The following MALRD1 variants were observed in gnomAD, a reference collection of about 807,000 sequenced individuals.
MALRD1 encodes MAM and LDL receptor class A domain containing 1.
A neutral mutation model predicts 242.1 loss-of-function variants in MALRD1; 247 were observed. The ratio of observed to expected loss-of-function variants is 1.02; its 90% CI spans 0.92 to 1.13. MALRD1 has a LOEUF of 1.13. Among genes scored for constraint, MALRD1 ranks in the 50% most tolerant of loss-of-function variants. The pLI, the probability that MALRD1 is intolerant of heterozygous loss-of-function variation, is 0.00. For synonymous variants in MALRD1, 995 were observed against 866.6 expected (o/e 1.15, Z -2.60); for missense variants, 2,989 against 2,533.1 (o/e 1.18, Z -3.86).
intron 36 of MALRD1, among the ~76,000 whole-genome samples, chr10:19,677,954 G>A (rs79993259): frequency 6.6e-6 from 1 of 152,068 alleles, no homozygotes; most frequent in African/African-American, 2.4e-5. Flanking sequence ...TTTTTTGTCA[G>A]GTTTGTCAAA....
chr10:19,488,239 T>C (rs1415287091), intron 29 of MALRD1, among the ~76,000 whole-genome samples: 1 of 152,356 alleles, frequency 6.6e-6, no homozygotes, highest in Admixed American at 6.5e-5. Flanking sequence ...CCCCTTTAGA[T>C]GAAAACATTG....
chr10:19,539,266 T>C (rs1019627472), intron 32 of MALRD1, among the ~76,000 whole-genome samples: 12 of 152,134 alleles, frequency 7.9e-5, no homozygotes, highest in African/African-American at 2.9e-4. Flanking sequence ...TAGACAAAGC[T>C]TCAGGAATTT....
chr10:19,532,013 G>A (rs1415008595), intron 32 of MALRD1, among the ~76,000 whole-genome samples: 1 of 151,836 alleles, frequency 6.6e-6, no homozygotes, highest in African/African-American at 2.4e-5. Context: ...AATACAATTG[G>A]GATTTTTGTC....
chr10:19,377,029 C>A (rs913398726), intron 26 of MALRD1, among the ~76,000 whole-genome samples: 1 of 152,114 alleles, frequency 6.6e-6, no homozygotes, highest in African/African-American at 2.4e-5. Context: ...CTATGTGGTA[C>A]AATTCTTAGA....
At chr10:19,337,131 CTT>C (rs1354839567) in intron 24 of MALRD1, among the ~76,000 whole-genome samples, 4 of 151,834 alleles carry the variant, frequency 2.6e-5, no homozygotes, top group African/African-American at 9.7e-5. Context: ...TGTAAGTAAA[CTT>C]TCATATACAT....
intron 21 of MALRD1, among the ~76,000 whole-genome samples, chr10:19,316,080 G>A (rs953897191): frequency 4.7e-5 from 7 of 149,114 alleles, no homozygotes; most frequent in Non-Finnish European, 8.9e-5. Context: ...GTAAATTTAC[G>A]TAATTTACTA....
chr10:19,555,155 T>A (rs1344235007), intron 32 of MALRD1, among the ~76,000 whole-genome samples: 2 of 152,048 alleles, frequency 1.3e-5, no homozygotes, highest in Non-Finnish European at 1.5e-5. Flanking sequence ...GATGTTGAGC[T>A]CATGTGGCCA....
intron 28 of MALRD1, among the ~76,000 whole-genome samples, chr10:19,411,383 A>G (rs918224778): frequency 6.6e-6 from 1 of 152,198 alleles, no homozygotes; most frequent in Non-Finnish European, 1.5e-5. Context: ...ATCCAAACAC[A>G]GCCTGGCTCG....
At chr10:19,732,600 C>G (rs372922139) in intron 39 of MALRD1, among the ~76,000 whole-genome samples, 46 of 152,142 alleles carry the variant, frequency 3.0e-4, no homozygotes, top group South Asian at 1.7e-3. Flanking sequence ...CTTAGTTTAA[C>G]TTTTAGTGTC....
In MALRD1 at chr10:19,417,500, T is replaced by A. The variant is rs552590401; in HGVS notation, c.4845+27891T>A. On this transcript the variant is annotated intron_variant, in intron 28 of 39. Coordinates refer to ENST00000454679, the MANE Select transcript of MALRD1 (RefSeq NM_001142308.3). ...ATTTGGTACTTAATACTCATTGAATTCCATTAACATATCAATATGGCAAGA... is the reference window on the plus strand; with the variant it reads ...ATTTGGTACTTAATACTCATTGAATACCATTAACATATCAATATGGCAAGA... Among the ~76,000 whole-genome samples, 3 of 152,280 alleles carry A rather than the reference T, an allele frequency of 2.0e-5. No individual in the cohort carries two copies. The South Asian group carries it at 6.2e-4, about 32-fold the overall frequency.
intron 21 of MALRD1, among the ~76,000 whole-genome samples, chr10:19,305,168 C>A (rs1842111050): frequency 6.6e-6 from 1 of 151,626 alleles, no homozygotes; most frequent in Admixed American, 6.6e-5. Context: ...GTTCAGAAAG[C>A]AAATCGTATC....
intron 2 of MALRD1, among the ~76,000 whole-genome samples, chr10:19,084,547 G>T (rs1440046596): frequency 6.6e-6 from 1 of 151,790 alleles, no homozygotes; most frequent in African/African-American, 2.4e-5. Flanking sequence ...TCACATTCAG[G>T]TCCATTAATC....
Position 19,225,757 on chromosome 10 carries a change from G to C in MALRD1, c.2991+16077G>C, listed in dbSNP as rs1837774420. On this transcript the variant is annotated intron_variant, in intron 18 of 39. Transcript: ENST00000454679. Reference sequence around the variant, plus strand: ...AGAAGCTAGGCAGCAGCCAGGCTCTGCCTTAGGAAAAGACTTTACTTTTTA... The same window carrying C: ...AGAAGCTAGGCAGCAGCCAGGCTCTCCCTTAGGAAAAGACTTTACTTTTTA... Among the ~76,000 whole-genome samples the C allele has an allele frequency of 2.6e-5, 4 of 152,280 alleles. No individual in the cohort carries two copies. In the South Asian group the frequency reaches 8.3e-4, roughly 32 times the overall value.
At position 19,230,074 on chromosome 10, in the gene MALRD1, G is replaced by A. The variant is rs544525150; in HGVS notation, c.2991+20394G>A. 2.7e-3 allele frequency among the ~76,000 whole-genome samples: 412 copies of A among 152,092 alleles called. 1 individual carries two copies. Among genetic ancestry groups the A allele is most frequent in the Non-Finnish European group, 4.9e-3 (332 of 67,982 alleles). ...CGAAACCCCTTTCGCCTTTCACTTGGTTCTCATTTGCTGTTTGCCTGCTGC... is the reference window on the plus strand; with the variant it reads ...CGAAACCCCTTTCGCCTTTCACTTGATTCTCATTTGCTGTTTGCCTGCTGC... On this transcript the variant is annotated intron_variant, in intron 18 of 39. Transcript: ENST00000454679.
chr10:19,542,704 A>G (rs187013439), intron 32 of MALRD1, among the ~76,000 whole-genome samples: 2 of 152,272 alleles, frequency 1.3e-5, no homozygotes, highest in Admixed American at 6.5e-5. Flanking sequence ...ATACAAAGAT[A>G]GGTAGATAAA....
At chr10:19,250,117 A>T (rs1409324457) in intron 18 of MALRD1, among the ~76,000 whole-genome samples, 1 of 152,026 alleles carries the variant, frequency 6.6e-6, no homozygotes, top group Non-Finnish European at 1.5e-5. Flanking sequence ...ACATTTAAGA[A>T]TTTTAAAACT....
chr10:19,390,564 G>A (rs563244543), intron 28 of MALRD1, among the ~76,000 whole-genome samples: 8 of 152,238 alleles, frequency 5.3e-5, no homozygotes, highest in Admixed American at 1.3e-4. Context: ...AACAGTAGCC[G>A]AAAGGAGATG....
At chr10:19,310,854 A>G (rs979318229) in intron 21 of MALRD1, among the ~76,000 whole-genome samples, 6 of 151,366 alleles carry the variant, frequency 4.0e-5, no homozygotes, top group African/African-American at 1.2e-4. Flanking sequence ...GGTATTATCT[A>G]TATTACAGTG....
At chr10:19,498,422 A>G in intron 30 of MALRD1, 63 bp from the exon 31 acceptor site, 2 of 1,395,188 alleles carry the variant, frequency 1.4e-6, no homozygotes, top group Non-Finnish European at 1.9e-6. Context: ...GATCCCAAAT[A>G]TAGGGTAGTA....
Sources: gnomAD v4.1 joint callset for allele counts (sites outside exome capture counted in the v4.1 genomes callset) on GRCh38, gnomAD v4.1.1 for gene constraint, MANE v1.5 for transcripts, NCBI Gene and HGNC (gene_info 2026-07-23, HGNC 2026-07-21) for gene names.